LCORL: variants seen among roughly 807,000 people sequenced by gnomAD.
The protein encoded by LCORL is ligand dependent nuclear receptor corepressor like.
In LCORL, 41 loss-of-function variants were observed where a neutral mutation model predicts 141.8. That is an observed-to-expected ratio of 0.29 (90% CI 0.23 to 0.38). The LOEUF (loss-of-function observed/expected upper bound fraction) is 0.38. Ranked by LOEUF, LCORL falls within the 10% of genes least tolerant of loss-of-function variation. The pLI, the probability that LCORL is intolerant of heterozygous loss-of-function variation, is 1.00. For synonymous variants in LCORL, 618 were observed against 694.1 expected (o/e 0.89, Z 1.72); for missense variants, 1,759 against 2,035.0 (o/e 0.86, Z 2.61).
chr4:17,984,266 G>A (rs1013255704), intron 1 of LCORL, among the ~76,000 whole-genome samples: 14 of 152,236 alleles, frequency 9.2e-5, no homozygotes, highest in South Asian at 2.1e-4. Flanking sequence ...TTGGTATCAG[G>A]ATGATGCTGG....
At chr4:17,842,966 T>C (rs1224395107) in exon 8 of LCORL, 1 of 170,722 alleles carries the variant, frequency 5.9e-6, no homozygotes, top group Non-Finnish European at 1.3e-5. Flanking sequence ...TTAATTTTTT[T>C]GTCACTTCTT....
At chr4:17,968,855 C>A (rs1035522684) in intron 2 of LCORL, among the ~76,000 whole-genome samples, 1 of 152,120 alleles carries the variant, frequency 6.6e-6, no homozygotes, top group African/African-American at 2.4e-5. Context: ...CATTCAAAAA[C>A]AGTCAACAAG....
rs576153007 is a variant in LCORL, at chr4:17,941,597, T to C, written c.430+20306A>G. 2.6e-5 allele frequency among the ~76,000 whole-genome samples: 4 copies of C among 152,312 alleles called. No individual in the cohort carries two copies. In the South Asian group the frequency reaches 8.3e-4, roughly 32 times the overall value. On this transcript the variant is annotated intron_variant, in intron 4 of 7. Coordinates refer to ENST00000635767, the Ensembl canonical transcript of LCORL. ...TATAAGCTAACGATATATTCCACCA[T>C]GCAAGACAAGTTCAGAAGAGATGAA... is the stretch of plus-strand genomic sequence containing the variant.
intron 7 of LCORL, among the ~76,000 whole-genome samples, chr4:17,872,101 A>AC (rs1272297466): frequency 1.4e-4 from 21 of 151,542 alleles, no homozygotes; most frequent in East Asian, 1.4e-3. Context: ...TACTTCCCCA[A>AC]CCCCCCCAAA....
rs531817982 is a variant in LCORL at position 17,953,336 on chromosome 4, T to C, written c.430+8567A>G. Among the ~76,000 whole-genome samples the C allele has an allele frequency of 3.9e-5, 6 of 152,332 alleles. No individual in the cohort carries two copies. In the South Asian group the frequency reaches 1.2e-3, roughly 32 times the overall value. On this transcript the variant is annotated intron_variant, in intron 4 of 7. Coordinates refer to ENST00000635767, the Ensembl canonical transcript of LCORL. ...GGAATTGCCACACTGCTTCCCACAA[T>C]GCCTGAGCTAACTTACACTCCCACC...
intron 1 of LCORL, among the ~76,000 whole-genome samples, chr4:17,991,855 A>G (rs1373319555): frequency 6.6e-6 from 1 of 151,670 alleles, no homozygotes; most frequent in African/African-American, 2.4e-5. Context: ...CTGAAGCCCT[A>G]AACTTTGCTC....
At chr4:17,853,002 C>A (rs567907257) in intron 7 of LCORL, among the ~76,000 whole-genome samples, 1 of 150,704 alleles carries the variant, frequency 6.6e-6, no homozygotes, top group South Asian at 2.1e-4. Context: ...CTGAAAATAT[C>A]ACTTACAGAA....
intron 5 of LCORL, among the ~76,000 whole-genome samples, chr4:17,908,819 A>G (rs575362172): frequency 6.6e-6 from 1 of 152,292 alleles, no homozygotes; most frequent in East Asian, 1.9e-4. Flanking sequence ...AAATCTATTT[A>G]TATCCTTTGT....
chr4:17,975,931 C>T (rs1716875352), intron 1 of LCORL, among the ~76,000 whole-genome samples: 1 of 151,998 alleles, frequency 6.6e-6, no homozygotes, highest in Non-Finnish European at 1.5e-5. Flanking sequence ...GATTTTCTGT[C>T]TTTTCTCCTT....
chr4:17,842,498 T>A, exon 8 of LCORL: 2 of 776,070 alleles, frequency 2.6e-6, no homozygotes, highest in South Asian at 3.3e-5. Context: ...GTGAAAACTA[T>A]AAATAGCTGT....
intron 6 of LCORL, chr4:17,883,649 C>A: frequency 6.9e-7 from 1 of 1,447,326 alleles, no homozygotes; most frequent in East Asian, 2.5e-5. Context: ...CAAATACACA[C>A]CTGTGCACAT....
intron 1 of LCORL, among the ~76,000 whole-genome samples, chr4:18,010,412 G>GTATA (rs1180510783): frequency 1.3e-4 from 20 of 151,480 alleles, no homozygotes; most frequent in African/African-American, 3.6e-4. Flanking sequence ...GTGTGTGTGT[G>GTATA]TATATATATA....
intron 1 of LCORL, among the ~76,000 whole-genome samples, chr4:17,981,206 A>G (rs1717921948): frequency 1.3e-5 from 2 of 152,178 alleles, no homozygotes; most frequent in South Asian, 2.1e-4. Context: ...GGTAGTTTCT[A>G]CTGAGTAGAA....
In LCORL at chr4:17,942,587, G is replaced by C. The variant is rs188058257; in HGVS notation, c.430+19316C>G. Among the ~76,000 whole-genome samples, 7 of 152,070 alleles carry C rather than the reference G, an allele frequency of 4.6e-5. No individual in the cohort carries two copies. In the East Asian group the frequency reaches 1.4e-3, roughly 29 times the overall value. On this transcript the variant is annotated intron_variant, in intron 4 of 7. Coordinates refer to ENST00000635767, the Ensembl canonical transcript of LCORL. ...GGATAATTACAGAGGCACAGAGCTGGGTTTCAACTAGAGATCATCTTTCAT... is the reference window on the plus strand; with the variant it reads ...GGATAATTACAGAGGCACAGAGCTGCGTTTCAACTAGAGATCATCTTTCAT...
intron 5 of LCORL, among the ~76,000 whole-genome samples, chr4:17,887,096 T>C (rs1299927601): frequency 6.6e-6 from 1 of 152,094 alleles, no homozygotes; most frequent in Non-Finnish European, 1.5e-5. Context: ...GAAATATGTA[T>C]GTTCCTGGGC....
At chr4:18,006,527 A>G (rs1722842007) in intron 1 of LCORL, among the ~76,000 whole-genome samples, 1 of 152,180 alleles carries the variant, frequency 6.6e-6, no homozygotes, top group Non-Finnish European at 1.5e-5. Context: ...GACATACCCA[A>G]GACTGGGCAA....
Position 17,845,919 on chromosome 4 carries a change from AG to A in LCORL, c.5603-19del. ...GTAGCATGCTGGAAGAAAAAGTGTA[AG>A]GCATTTTAGTTTTACTTTAATTTCA... On this transcript the variant is annotated intron_variant, in intron 7 of 7. Transcript: ENST00000635767. 3 of 1,574,064 alleles carry A rather than the reference AG, an allele frequency of 1.9e-6. No homozygotes were observed. The highest frequency in any genetic ancestry group is 4.5e-5 in the East Asian group (2 of 44,288).
intron 1 of LCORL, among the ~76,000 whole-genome samples, chr4:17,973,433 T>C (rs1177724842): frequency 6.6e-6 from 1 of 151,878 alleles, no homozygotes; most frequent in Admixed American, 6.6e-5. Context: ...AAAAAATTAC[T>C]GAAAATCTTA....
intron 1 of LCORL, among the ~76,000 whole-genome samples, chr4:18,016,671 T>C (rs1207446039): frequency 2.0e-5 from 3 of 152,174 alleles, no homozygotes; most frequent in African/African-American, 4.8e-5. Context: ...ATAATTTCTA[T>C]ATGGATTGGT....
Sources: gnomAD v4.1 joint callset for allele counts (sites outside exome capture counted in the v4.1 genomes callset) on GRCh38, gnomAD v4.1.1 for gene constraint, MANE v1.5 for transcripts, NCBI Gene and HGNC (gene_info 2026-07-23, HGNC 2026-07-21) for gene names.